IL23R: variants seen among roughly 807,000 people sequenced by gnomAD.
IL23R encodes interleukin 23 receptor, also known as interleukin-23 receptor.
A neutral mutation model predicts 56.9 loss-of-function variants in IL23R; 34 were observed. That is an observed-to-expected ratio of 0.60 (90% CI 0.45 to 0.80). IL23R has a LOEUF of 0.80. Ranked by LOEUF, IL23R falls within the 30% of genes least tolerant of loss-of-function variation. The pLI is 0.00. For synonymous variants in IL23R, 230 were observed against 249.2 expected, an observed-to-expected ratio of 0.92 and a Z score of 0.73; for missense variants, 635 against 730.0, an observed-to-expected ratio of 0.87 and a Z score of 1.50.
chr1:67,234,602 T>A (rs1651337233), intron 7 of IL23R, among the ~76,000 whole-genome samples: 1 of 151,972 alleles, frequency 6.6e-6, no homozygotes, highest in Non-Finnish European at 1.5e-5. Flanking sequence ...ATGCTAATTT[T>A]AAAATAATAA....
At chr1:67,141,413 A>G (rs914941492) in intron 1 of IL23R, among the ~76,000 whole-genome samples, 1 of 152,074 alleles carries the variant, frequency 6.6e-6, no homozygotes, top group Non-Finnish European at 1.5e-5. Flanking sequence ...AAAAGTCAAA[A>G]GCCTCTTAAA....
intron 6 of IL23R, among the ~76,000 whole-genome samples, chr1:67,210,097 G>T (rs1418355804): frequency 1.3e-5 from 2 of 152,160 alleles, no homozygotes; most frequent in African/African-American, 2.4e-5. Context: ...ACCAGTATAG[G>T]CCTGAGTCTT....
downstream of IL23R, chr1:67,260,077 G>A (rs544181593): frequency 2.7e-5 from 4 of 150,318 alleles, no homozygotes; most frequent in African/African-American, 7.4e-5. Context: ...TAAAAATATA[G>A]CCCCAAATGA....
intron 4 of IL23R, among the ~76,000 whole-genome samples, chr1:67,198,589 C>T (rs1469048356): frequency 6.6e-6 from 1 of 152,234 alleles, no homozygotes; most frequent in Non-Finnish European, 1.5e-5. Flanking sequence ...TCCTCTTCCA[C>T]AGTGCATGAC....
intron 7 of IL23R, chr1:67,231,922 AG>A (rs1651119708): frequency 6.6e-6 from 1 of 152,260 alleles, no homozygotes; most frequent in Admixed American, 6.5e-5. Context: ...CAGGAGGCTG[AG>A]GCTGGAGGAT....
intron 1 of IL23R, among the ~76,000 whole-genome samples, chr1:67,144,752 C>T (rs908146451): frequency 2.0e-5 from 3 of 151,928 alleles, no homozygotes; most frequent in South Asian, 2.1e-4. Context: ...AGGGTTCTCC[C>T]TTCAGATTTC....
At chr1:67,191,937 A>G (rs918923469) in intron 4 of IL23R, among the ~76,000 whole-genome samples, 2 of 151,114 alleles carry the variant, frequency 1.3e-5, no homozygotes, top group African/African-American at 4.9e-5. Flanking sequence ...AGATAAATTC[A>G]TAGTGACCCA....
intron 9 of IL23R, among the ~76,000 whole-genome samples, chr1:67,255,527 C>T (rs1287686455): frequency 6.6e-6 from 1 of 152,054 alleles, no homozygotes; most frequent in African/African-American, 2.4e-5. Flanking sequence ...CAGCCTTGAC[C>T]TCCCAGGCTC....
chr1:67,183,971 T>C (rs1647203200), intron 4 of IL23R, among the ~76,000 whole-genome samples: 1 of 152,194 alleles, frequency 6.6e-6, no homozygotes, highest in South Asian at 2.1e-4. Context: ...TAGTGGCTCA[T>C]GCCTGTAATC....
intron 3 of IL23R, among the ~76,000 whole-genome samples, chr1:67,174,981 A>G (rs1192574507): frequency 2.6e-5 from 4 of 151,442 alleles, no homozygotes; most frequent in African/African-American, 9.7e-5. Flanking sequence ...AGTGGTTTAG[A>G]AAAAGTGCCT....
chr1:67,240,697 C>A (rs551649020), intron 9 of IL23R, among the ~76,000 whole-genome samples: 1 of 152,256 alleles, frequency 6.6e-6, no homozygotes, highest in South Asian at 2.1e-4. Context: ...TCACAAATTG[C>A]CTTGTGTTAA....
intron 5 of IL23R, among the ~76,000 whole-genome samples, chr1:67,206,282 G>A (rs138542183): frequency 1.2e-3 from 175 of 152,118 alleles, no homozygotes; most frequent in African/African-American, 4.0e-3. Context: ...CCAAATGCTG[G>A]GAATACAGAC....
chr1:67,252,952 A>G (rs1028126849), intron 9 of IL23R, among the ~76,000 whole-genome samples: 3 of 152,190 alleles, frequency 2.0e-5, no homozygotes, highest in African/African-American at 4.8e-5. Context: ...GTCCACTGGG[A>G]TTGGCCAAGA....
At chr1:67,207,208 T>G (rs1187142998) in intron 6 of IL23R, 153 bp downstream of exon 6, 1 of 892,182 alleles carries the variant, frequency 1.1e-6, no homozygotes, top group African/African-American at 1.7e-5. Flanking sequence ...GTTTTATAAT[T>G]TCAACTTTTA....
intron 3 of IL23R, among the ~76,000 whole-genome samples, chr1:67,173,147 G>T (rs1030168934): frequency 5.3e-5 from 8 of 152,080 alleles, no homozygotes; most frequent in African/African-American, 1.9e-4. Context: ...CTAGTATCTA[G>T]TTGTATAGCC....
intron 2 of IL23R, 116 bp from the exon 3 acceptor site, chr1:67,169,226 T>C: frequency 1.3e-6 from 1 of 793,746 alleles, no homozygotes; most frequent in East Asian, 2.7e-5. Context: ...AAAACTGTTT[T>C]CAATGGAATC....
chr1:67,256,899 A>G (rs776130679), intron 10 of IL23R, among the ~76,000 whole-genome samples: 7 of 152,228 alleles, frequency 4.6e-5, no homozygotes, highest in Non-Finnish European at 8.8e-5. Flanking sequence ...TAAAAGTTCA[A>G]AAACAACTGG....
At chr1:67,152,808 G>A (rs1481219916) in intron 1 of IL23R, among the ~76,000 whole-genome samples, 9 of 152,142 alleles carry the variant, frequency 5.9e-5, no homozygotes, top group Non-Finnish European at 8.8e-5. Flanking sequence ...CAACTTGGTC[G>A]TGGTGGATAA....
chr1:67,208,998 G>A (rs1364005349), intron 6 of IL23R, among the ~76,000 whole-genome samples: 1 of 152,188 alleles, frequency 6.6e-6, no homozygotes, highest in African/African-American at 2.4e-5. Context: ...GCATAACCTG[G>A]ATGAGAGACA....
Sources: gnomAD v4.1 joint callset for allele counts (sites outside exome capture counted in the v4.1 genomes callset) on GRCh38, gnomAD v4.1.1 for gene constraint, MANE v1.5 for transcripts, NCBI Gene and HGNC (gene_info 2026-07-23, HGNC 2026-07-21) for gene names.